The following THEMIS variants were observed in gnomAD, a reference collection of about 807,000 sequenced individuals.
THEMIS encodes the protein thymocyte selection associated.
Under a neutral mutation model 52.6 loss-of-function variants are expected in THEMIS, and 37 were observed. That is an observed-to-expected ratio of 0.70 (90% confidence interval 0.54 to 0.93). The LOEUF is 0.93. Ranked by LOEUF, THEMIS falls within the 40% of genes least tolerant of loss-of-function variation. THEMIS has a pLI of 0.00. For synonymous variants in THEMIS, 292 were observed against 272.7 expected, an observed-to-expected ratio of 1.07 and a Z score of -0.70; for missense variants, 808 against 763.1, an observed-to-expected ratio of 1.06 and a Z score of -0.69.
the THEMIS span, among the ~76,000 whole-genome samples, chr6:127,697,518 T>C: frequency 2.6e-5 from 4 of 152,168 alleles, no homozygotes; most frequent in Admixed American, 1.3e-4. Context: ...TCTCATTCAA[T>C]GAAAAACTAA....
At chr6:127,714,102 G>A (rs576686465) in intron 5 of THEMIS, among the ~76,000 whole-genome samples, 1 of 151,870 alleles carries the variant, frequency 6.6e-6, no homozygotes, top group Non-Finnish European at 1.5e-5. Flanking sequence ...TGTGATAAGT[G>A]AGAAGAAATG....
chr6:127,863,372 C>T (rs1478907773), intron 1 of THEMIS, among the ~76,000 whole-genome samples: 2 of 152,104 alleles, frequency 1.3e-5, no homozygotes, highest in Non-Finnish European at 2.9e-5. Flanking sequence ...GGTGGAATTC[C>T]ATTTATCTTA....
intron 2 of THEMIS, 99 bp downstream of exon 2, chr6:127,854,931 T>C: frequency 1.8e-6 from 2 of 1,083,872 alleles, no homozygotes. Context: ...TATCCTAGAG[T>C]GAAAAACAGA....
intron 4 of THEMIS, among the ~76,000 whole-genome samples, chr6:127,757,053 C>T (rs1027629909): frequency 6.6e-6 from 1 of 152,100 alleles, no homozygotes; most frequent in Admixed American, 6.5e-5. Context: ...CTTTCTCTGA[C>T]GATAAAAATG....
chr6:127,771,250 A>G (rs1029883759), intron 4 of THEMIS, among the ~76,000 whole-genome samples: 1 of 152,216 alleles, frequency 6.6e-6, no homozygotes, highest in African/African-American at 2.4e-5. Flanking sequence ...ACCACTGCTC[A>G]ATGAAATAAA....
At chr6:127,770,799 AG>A (rs573199946) in intron 4 of THEMIS, among the ~76,000 whole-genome samples, 63 of 152,320 alleles carry the variant, frequency 4.1e-4, no homozygotes, top group African/African-American at 1.5e-3. Context: ...ATTTTGTATA[AG>A]GTATAAGGAA....
chr6:127,720,551 A>G (rs1774326624), intron 4 of THEMIS, among the ~76,000 whole-genome samples: 1 of 151,964 alleles, frequency 6.6e-6, no homozygotes, highest in Admixed American at 6.6e-5. Flanking sequence ...AAGTTTGTCA[A>G]ATTGAATAAG....
intron 1 of THEMIS, among the ~76,000 whole-genome samples, chr6:127,871,979 G>C (rs1780170751): frequency 6.6e-6 from 1 of 151,258 alleles, no homozygotes. Context: ...ACCCAAACCA[G>C]ACAGACAGCA....
intron 1 of THEMIS, among the ~76,000 whole-genome samples, chr6:127,874,023 G>A (rs1271744276): frequency 6.6e-6 from 1 of 152,130 alleles, no homozygotes; most frequent in Non-Finnish European, 1.5e-5. Context: ...TACTTTTTGG[G>A]AATACCAATA....
intron 1 of THEMIS, among the ~76,000 whole-genome samples, chr6:127,871,142 A>G (rs1401573911): frequency 1.3e-5 from 2 of 152,176 alleles, no homozygotes; most frequent in African/African-American, 4.8e-5. Context: ...CTATGACCAC[A>G]ATGAATTAAA....
chr6:127,804,291 C>T (rs1232790504), intron 4 of THEMIS, among the ~76,000 whole-genome samples: 1 of 152,044 alleles, frequency 6.6e-6, no homozygotes, highest in Admixed American at 6.5e-5. Context: ...TTTAACTGTG[C>T]CAAATAGTAC....
intron 1 of THEMIS, among the ~76,000 whole-genome samples, chr6:127,876,188 T>C (rs1209644416): frequency 5.3e-5 from 8 of 152,178 alleles, no homozygotes; most frequent in Admixed American, 5.2e-4. Context: ...ATGAAATGTG[T>C]TACAGAGTGA....
At chr6:127,736,237 T>C (rs1283338430) in intron 4 of THEMIS, among the ~76,000 whole-genome samples, 1 of 152,178 alleles carries the variant, frequency 6.6e-6, no homozygotes, top group Non-Finnish European at 1.5e-5. Flanking sequence ...AAATTGTTTT[T>C]ATTATATATA....
intron 4 of THEMIS, among the ~76,000 whole-genome samples, chr6:127,808,168 G>C (rs988101470): frequency 5.9e-5 from 9 of 152,184 alleles, no homozygotes; most frequent in Non-Finnish European, 1.3e-4. Flanking sequence ...TCTGGTCCCA[G>C]CTGCAGTCTC....
intron 5 of THEMIS, among the ~76,000 whole-genome samples, chr6:127,715,571 T>C (rs573798856): frequency 6.6e-6 from 1 of 152,066 alleles, no homozygotes; most frequent in South Asian, 2.1e-4. Flanking sequence ...TTAGGTTTTA[T>C]TTTCCACGAT....
chr6:127,762,756 T>C (rs544335690), intron 4 of THEMIS, among the ~76,000 whole-genome samples: 19 of 152,234 alleles, frequency 1.2e-4, no homozygotes, highest in African/African-American at 4.3e-4. Flanking sequence ...CACTGAAAAC[T>C]ATAATTAGCC....
chr6:127,797,272 T>C (rs1777361363), intron 4 of THEMIS, among the ~76,000 whole-genome samples: 1 of 152,194 alleles, frequency 6.6e-6, no homozygotes, highest in South Asian at 2.1e-4. Flanking sequence ...AACCCTTTTT[T>C]TCATAGGTCA....
At chr6:127,705,156 T>A (rs1396069362), downstream of THEMIS, among the ~76,000 whole-genome samples, 1 of 152,158 alleles carries the variant, frequency 6.6e-6, no homozygotes, top group African/African-American at 2.4e-5. Flanking sequence ...ATATCATGGA[T>A]AAAAATACCT....
At chr6:127,868,865 T>A (rs1437817189) in intron 1 of THEMIS, among the ~76,000 whole-genome samples, 1 of 152,132 alleles carries the variant, frequency 6.6e-6, no homozygotes, top group African/African-American at 2.4e-5. Context: ...CTTTTAAAAA[T>A]CTATGCAACT....
Sources: gnomAD v4.1 joint callset for allele counts (sites outside exome capture counted in the v4.1 genomes callset) on GRCh38, gnomAD v4.1.1 for gene constraint, MANE v1.5 for transcripts, NCBI Gene and HGNC (gene_info 2026-07-23, HGNC 2026-07-21) for gene names.